DLG2: variants seen among roughly 807,000 people sequenced by gnomAD.
The protein encoded by DLG2 is discs large MAGUK scaffold protein 2.
In DLG2, 45 loss-of-function variants were observed where a neutral mutation model predicts 132.5. The ratio of observed to expected loss-of-function variants is 0.34; its 90% confidence interval spans 0.27 to 0.44. The LOEUF is 0.44. Among genes scored for constraint, DLG2 ranks in the 20% least tolerant of loss-of-function variants. The pLI is 1.00. For missense variants in DLG2, 1,045 were observed against 1,196.9 expected (o/e 0.87, Z 1.87); for synonymous variants, 424 against 419.6 (o/e 1.01, Z -0.13).
In DLG2 at chr11:83,747,609, T is replaced by C. The variant is rs182946611; in HGVS notation, c.1825+39081A>G. 4.6e-5 allele frequency among the ~76,000 whole-genome samples: 7 copies of C among 152,230 alleles called. No individual in the cohort carries two copies. The East Asian group carries it at 9.7e-4, about 21-fold the overall frequency. On this transcript the variant is annotated intron_variant, in intron 18 of 27. Transcript: ENST00000376104. The stretch of plus-strand genomic sequence containing the variant: ...AAGCTATCCACCCTCAAGTGATCCA[T>C]CCTGGGCTCAAACTATCCACACATC...
At chr11:84,995,469 A>G (rs1449375441) in intron 6 of DLG2, among the ~76,000 whole-genome samples, 1 of 152,204 alleles carries the variant, frequency 6.6e-6, no homozygotes, top group African/African-American at 2.4e-5. Context: ...AGTTATGTAC[A>G]TATTTGTCTC....
At chr11:84,974,735 G>T (rs1211585505) in intron 6 of DLG2, among the ~76,000 whole-genome samples, 3 of 152,160 alleles carry the variant, frequency 2.0e-5, no homozygotes, top group Admixed American at 2.0e-4. Flanking sequence ...ACACTCTCCA[G>T]TCCCATCCCA....
chr11:84,101,328 AAGAAGAATTGGAT>A (rs1235787783), intron 9 of DLG2, among the ~76,000 whole-genome samples: 2 of 152,176 alleles, frequency 1.3e-5, no homozygotes, highest in African/African-American at 4.8e-5. Context: ...CAAAGAAAGC[AAGAAGAATTGGAT>A]AGATGTACCT....
chr11:85,474,103 T>G (rs1261223115), intron 3 of DLG2, among the ~76,000 whole-genome samples: 1 of 151,998 alleles, frequency 6.6e-6, no homozygotes, highest in Non-Finnish European at 1.5e-5. Context: ...GAAGAAATAC[T>G]GGCAGTAAAA....
chr11:83,946,706 T>A (rs554941795), intron 14 of DLG2, among the ~76,000 whole-genome samples: 1 of 152,176 alleles, frequency 6.6e-6, no homozygotes, highest in Non-Finnish European at 1.5e-5. Context: ...AGACAAAAAA[T>A]TGTGACTTTC....
chr11:84,233,444 G>T (rs1285530904), intron 8 of DLG2, among the ~76,000 whole-genome samples: 1 of 152,210 alleles, frequency 6.6e-6, no homozygotes, highest in East Asian at 1.9e-4. Flanking sequence ...GGGAATGCTG[G>T]CAGCTGTGCC....
chr11:83,986,321 G>C (rs889549026), intron 11 of DLG2, among the ~76,000 whole-genome samples: 5 of 150,630 alleles, frequency 3.3e-5, no homozygotes, highest in African/African-American at 1.2e-4. Context: ...TTGGTTTTTT[G>C]TTCTTGCAAT....
chr11:84,781,057 A>ATG (rs35479707), intron 6 of DLG2, among the ~76,000 whole-genome samples: 2,102 of 142,876 alleles, frequency 0.015, 20 homozygotes, highest in East Asian at 0.04. Context: ...TCATAACTTA[A>ATG]TGTGTGTGTG....
intron 7 of DLG2, among the ~76,000 whole-genome samples, chr11:84,450,160 C>A (rs936236829): frequency 6.6e-6 from 1 of 151,752 alleles, no homozygotes; most frequent in South Asian, 2.1e-4. Context: ...GCTTTGAATC[C>A]TGGTTTGCTT....
intron 15 of DLG2, among the ~76,000 whole-genome samples, chr11:83,917,344 G>A (rs1590962118): frequency 6.6e-6 from 1 of 152,096 alleles, no homozygotes; most frequent in Admixed American, 6.5e-5. Flanking sequence ...TATGTACCTT[G>A]ATTCTACTTT....
chr11:84,278,206 A>T (rs2097804237), intron 7 of DLG2, among the ~76,000 whole-genome samples: 1 of 151,916 alleles, frequency 6.6e-6, no homozygotes, highest in Non-Finnish European at 1.5e-5. Context: ...TCTTATAAAC[A>T]ACTTTTTCCC....
rs1357689952 is a variant in DLG2, at chr11:85,582,658, T to C, written c.40+15999A>G. ...GGGCAACATGGTGAAACCCCATCTC[T>C]ACAAAAAAAAAAAAAAAAAAAAAAA... On this transcript the variant is annotated intron_variant, in intron 3 of 27. Coordinates refer to ENST00000376104, the MANE Select transcript of DLG2 (RefSeq NM_001142699.3). Among the ~76,000 whole-genome samples the C allele has an allele frequency of 3.4e-3, 36 of 10,546 alleles. 1 individual carries two copies. The East Asian group carries it at 0.056, about 16-fold the overall frequency. The allele number at this position is 10,546 out of a possible 152,430, so 6.9% of individuals were successfully genotyped here.
At chr11:83,781,574 G>T (rs1455153506) in intron 18 of DLG2, among the ~76,000 whole-genome samples, 1 of 152,084 alleles carries the variant, frequency 6.6e-6, no homozygotes, top group Non-Finnish European at 1.5e-5. Context: ...ACTATCTACC[G>T]AAGTTCCTCA....
chr11:84,117,914 G>A (rs913756818), intron 9 of DLG2, among the ~76,000 whole-genome samples: 10 of 152,088 alleles, frequency 6.6e-5, no homozygotes, highest in Admixed American at 2.0e-4. Flanking sequence ...GGAGTGCAAC[G>A]GTGCGATCTC....
At chr11:85,472,451 C>A (rs967129917) in intron 3 of DLG2, among the ~76,000 whole-genome samples, 5 of 152,076 alleles carry the variant, frequency 3.3e-5, no homozygotes, top group South Asian at 2.1e-4. Flanking sequence ...ACAGGCACAC[C>A]ACCAAGCCCA....
chr11:85,358,116 A>G (rs2083880641), intron 3 of DLG2, among the ~76,000 whole-genome samples: 1 of 152,138 alleles, frequency 6.6e-6, no homozygotes, highest in South Asian at 2.1e-4. Context: ...GAAGGGAAGA[A>G]GAGAAGAAGG....
At chr11:85,057,093 T>C (rs2063539518) in intron 6 of DLG2, among the ~76,000 whole-genome samples, 1 of 151,814 alleles carries the variant, frequency 6.6e-6, no homozygotes, top group Non-Finnish European at 1.5e-5. Context: ...GTAGCTATTA[T>C]ATAGCTTGTA....
intron 6 of DLG2, among the ~76,000 whole-genome samples, chr11:84,739,980 G>A (rs2064380810): frequency 6.6e-6 from 1 of 151,844 alleles, no homozygotes; most frequent in Admixed American, 6.6e-5. Flanking sequence ...CATTGTCTTG[G>A]GGGATATTAA....
At chr11:85,582,513 T>C (rs2078593267) in intron 3 of DLG2, among the ~76,000 whole-genome samples, 1 of 150,268 alleles carries the variant, frequency 6.7e-6, no homozygotes, top group African/African-American at 2.4e-5. Context: ...AATTTGAGAG[T>C]ATAAAATCAT....
Sources: allele counts gnomAD v4.1 joint callset (sites outside exome capture counted in the v4.1 genomes callset), GRCh38; gene constraint gnomAD v4.1.1; transcripts MANE v1.5; gene names NCBI Gene and HGNC (gene_info 2026-07-23, HGNC 2026-07-21).